Variants in CYFIP2 observed in about 807,000 individuals in gnomAD.
CYFIP2 encodes the protein cytoplasmic FMR1-interacting protein 2.
In CYFIP2, 29 loss-of-function variants were observed where a neutral mutation model predicts 158.7. That is an observed-to-expected ratio of 0.18 (90% CI 0.14 to 0.25). The LOEUF is 0.25. CYFIP2 is among the 10% of genes least tolerant of loss of function. The pLI, the probability that CYFIP2 is intolerant of heterozygous loss-of-function variation, is 1.00. For synonymous variants in CYFIP2, 585 were observed against 617.6 expected, an observed-to-expected ratio of 0.95 and a Z score of 0.78; for missense variants, 852 against 1,639.5, an observed-to-expected ratio of 0.52 and a Z score of 8.29.
Position 157,395,253 on chromosome 5 carries a change from C to T in CYFIP2, c.*2253C>T. 3.7e-6 allele frequency: 1 copy of T among 271,334 alleles called. No individual in the cohort carries two copies. The highest frequency in any genetic ancestry group is 7.1e-6 in the Non-Finnish European group (1 of 141,834). 16.8% of individuals were successfully genotyped at this position (271,334 alleles called of 1,614,324 possible). A position where few individuals can be genotyped will look rare whatever the true frequency, so the allele number is the denominator to read the frequency against. ...CCAATGAGTTTAATATTCTTTCCTC[C>T]TTGGCATTACTGCCCCAGCCTCTTT... On this transcript the variant is annotated 3_prime_UTR_variant, in exon 31 of 31. Coordinates refer to ENST00000620254, the MANE Select transcript of CYFIP2 (RefSeq NM_001037333.3).
intron 8 of CYFIP2, 100 bp from the exon 9 acceptor site, chr5:157,307,661 G>GTGTGTA (rs1269503555): frequency 1.6e-4 from 100 of 637,872 alleles, no homozygotes; most frequent in Middle Eastern, 8.3e-4. Context: ...GTGTGTATGT[G>GTGTGTA]TGTGTGTGTG....
In CYFIP2 at chr5:157,374,748, C is replaced by CA. The variant is rs780056986; in HGVS notation, c.3040-7841dup. 3.5e-4 allele frequency among the ~76,000 whole-genome samples: 54 copies of CA among 152,306 alleles called. 1 individual carries two copies. Among genetic ancestry groups the CA allele is most frequent in the South Asian group, 6.2e-4 (3 of 4,822 alleles). On this transcript the variant is annotated intron_variant, in intron 26 of 30. Coordinates refer to ENST00000620254, the MANE Select transcript of CYFIP2 (RefSeq NM_001037333.3). ...GTCAGCTGTTCCTTTTTCAAGGCAG[C>CA]ATGGGGAAAGGAGGACTGTGGGTCT...
chr5:157,384,644 A>T (rs1199339170), intron 28 of CYFIP2: 2 of 398,150 alleles, frequency 5.0e-6, no homozygotes, highest in Admixed American at 5.5e-5. Context: ...ATGGTGATTA[A>T]AAGCTAATCA....
intron 23 of CYFIP2, 82 bp from the exon 24 acceptor site, chr5:157,358,923 C>T: frequency 6.4e-7 from 1 of 1,567,416 alleles, no homozygotes; most frequent in South Asian, 1.1e-5. Flanking sequence ...CCTAATGCTT[C>T]TGTCAGCAGA....
At chr5:157,296,033 G>T (rs75761912) in intron 4 of CYFIP2, among the ~76,000 whole-genome samples, 1 of 152,210 alleles carries the variant, frequency 6.6e-6, no homozygotes, top group African/African-American at 2.4e-5. Flanking sequence ...GCTAGAGTGC[G>T]GACAGGGGAA....
rs144691565 is a variant in CYFIP2, at chr5:157,362,143, C to T, written c.3039+545C>T. On this transcript the variant is annotated intron_variant, in intron 26 of 30. Coordinates refer to ENST00000620254, the MANE Select transcript of CYFIP2 (RefSeq NM_001037333.3). ...TAGATTTCAGAGAGTTTCTGCTTTG[C>T]AATTGGGTAAGGAAGAGAAGCTTTG... Among the ~76,000 whole-genome samples the T allele has an allele frequency of 1.9e-4, 29 of 152,296 alleles. 1 individual carries two copies. The East Asian group carries it at 5.2e-3, about 27-fold the overall frequency.
intron 15 of CYFIP2, among the ~76,000 whole-genome samples, chr5:157,321,662 G>C (rs1440712308): frequency 6.6e-6 from 1 of 152,150 alleles, no homozygotes; most frequent in Non-Finnish European, 1.5e-5. Context: ...GCCTCTCTCT[G>C]TTCTCAGTCA....
At position 157,330,616 on chromosome 5, in the gene CYFIP2, TTTTAC is replaced by T. The variant is rs1761382046; in HGVS notation, c.2157-123_2157-119del. The T allele has an allele frequency of 2.2e-5, 15 of 675,648 alleles. 1 individual carries two copies. In the South Asian group the frequency reaches 3.3e-4, roughly 15 times the overall value. The allele number at this position is 675,648 out of a possible 1,614,324, so 41.9% of individuals were successfully genotyped here. ...GTAACTTGTCTAGAGCAGAAAACAA[TTTTAC>T]TTAAGTTATATAAGATAGTGCTCTG... On this transcript the variant is annotated intron_variant, in intron 19 of 30. Transcript: ENST00000620254.
intron 1 of CYFIP2, among the ~76,000 whole-genome samples, chr5:157,272,558 C>T (rs556990864): frequency 6.6e-6 from 1 of 152,298 alleles, no homozygotes; most frequent in South Asian, 2.1e-4. Flanking sequence ...TAGCTGCCTC[C>T]AGATCTCTAA....
chr5:157,369,684 T>C (rs891173235), intron 26 of CYFIP2, among the ~76,000 whole-genome samples: 3 of 152,140 alleles, frequency 2.0e-5, no homozygotes, highest in African/African-American at 4.8e-5. Flanking sequence ...ACACCCCCAG[T>C]GGGCAGGGTC....
At chr5:157,363,464 AG>A in intron 26 of CYFIP2, 1 of 152,452 alleles carries the variant, frequency 6.6e-6, no homozygotes, top group Non-Finnish European at 1.5e-5. Context: ...GCAGATGGGG[AG>A]GGGAGCTGTG....
chr5:157,323,729 G>A (rs1216219718), intron 15 of CYFIP2, among the ~76,000 whole-genome samples, 192 bp from the exon 16 acceptor site: 1 of 152,204 alleles, frequency 6.6e-6, no homozygotes, highest in East Asian at 1.9e-4. Flanking sequence ...CACGGGGCCC[G>A]GGTTGGCCAT....
chr5:157,326,311 A>C (rs1194442517), intron 18 of CYFIP2, 44 bp downstream of exon 18: 3 of 1,529,132 alleles, frequency 2.0e-6, no homozygotes, highest in Non-Finnish European at 2.7e-6. Context: ...TCTTGTTCCA[A>C]ATTCCGGACT....
In CYFIP2 at chr5:157,314,952, G is replaced by T. The variant is rs888294420; in HGVS notation, c.1231-17G>T. ...TCATCAGTTGATGGACGTTTGGTTT[G>T]TTCCCACTCTCCCCAGTACTCTTGG... is the stretch of plus-strand genomic sequence containing the variant. On this transcript the variant is annotated splice_polypyrimidine_tract_variant and intron_variant, in intron 12 of 30. Coordinates refer to ENST00000620254, the MANE Select transcript of CYFIP2 (RefSeq NM_001037333.3). The T allele has an allele frequency of 6.4e-7, 1 of 1,553,624 alleles. No homozygotes were observed. The highest frequency in any genetic ancestry group is 1.4e-5 in the African/African-American group (1 of 73,318).
chr5:157,325,369 A>G, intron 16 of CYFIP2, 113 bp from the exon 17 acceptor site: 1 of 1,178,006 alleles, frequency 8.5e-7, no homozygotes, highest in Non-Finnish European at 1.1e-6. Context: ...CAATATTAGT[A>G]CCTGCTACAT....
chr5:157,343,128 A>T, intron 23 of CYFIP2: 1 of 1,614,170 alleles, frequency 6.2e-7, no homozygotes, highest in Non-Finnish European at 8.5e-7. Context: ...CAACGGACAC[A>T]CCAGAACTGG....
chr5:157,314,312 A>C, intron 11 of CYFIP2, 32 bp from the exon 12 acceptor site: 1 of 1,606,784 alleles, frequency 6.2e-7, no homozygotes, highest in African/African-American at 1.3e-5. Flanking sequence ...TCAGGCACAT[A>C]GACCATGAGT....
intron 26 of CYFIP2, among the ~76,000 whole-genome samples, chr5:157,370,544 G>A (rs1764900056): frequency 6.6e-6 from 1 of 152,166 alleles, no homozygotes; most frequent in Non-Finnish European, 1.5e-5. Context: ...AACAAGATTA[G>A]TAAATATTAG....
At chr5:157,286,023 A>C (rs1262656688) in intron 2 of CYFIP2, among the ~76,000 whole-genome samples, 1 of 152,238 alleles carries the variant, frequency 6.6e-6, no homozygotes, top group Non-Finnish European at 1.5e-5. Flanking sequence ...GCCAGATGCC[A>C]TGTTAAGAAA....
Sources: allele counts gnomAD v4.1 joint callset (sites outside exome capture counted in the v4.1 genomes callset), GRCh38; gene constraint gnomAD v4.1.1; transcripts MANE v1.5; gene names NCBI Gene and HGNC (gene_info 2026-07-23, HGNC 2026-07-21).